The following RBFOX1 variants were observed in gnomAD, a reference collection of about 807,000 sequenced individuals.
RBFOX1 encodes the protein RNA binding fox-1 homolog 1, also known as RNA binding protein fox-1 homolog 1.
A neutral mutation model predicts 57.7 loss-of-function variants in RBFOX1; 8 were observed. The ratio of observed to expected loss-of-function variants is 0.14; its 90% CI spans 0.08 to 0.25. The LOEUF (loss-of-function observed/expected upper bound fraction) is 0.25, where lower values mean the gene tolerates loss of function less well. Ranked by LOEUF, RBFOX1 falls within the 10% of genes least tolerant of loss-of-function variation. The probability of loss-of-function intolerance (pLI) is 1.00; values close to 1 mark genes in which losing one functional copy is unlikely to be tolerated. For missense variants in RBFOX1, 611 were observed against 548.5 expected, an observed-to-expected ratio of 1.11 and a Z score of -1.14; for synonymous variants, 326 against 222.4, an observed-to-expected ratio of 1.47 and a Z score of -4.15.
intron 1 of RBFOX1, among the ~76,000 whole-genome samples, chr16:6,222,414 C>T (rs903911474): frequency 6.6e-6 from 1 of 151,898 alleles, no homozygotes; most frequent in African/African-American, 2.4e-5. Context: ...TACGTTTTCC[C>T]TTCCCTCCTT....
At chr16:7,102,733 T>G (rs151032502) in intron 4 of RBFOX1, among the ~76,000 whole-genome samples, 138 of 152,328 alleles carry the variant, frequency 9.1e-4, no homozygotes, top group African/African-American at 2.0e-3. Context: ...TTATAAAGTT[T>G]GGAGACTTAA....
intron 1 of RBFOX1, among the ~76,000 whole-genome samples, chr16:6,091,617 G>A (rs1426117395): frequency 6.6e-6 from 1 of 152,200 alleles, no homozygotes; most frequent in Non-Finnish European, 1.5e-5. Flanking sequence ...ATCACCTGAG[G>A]TCATGAGTTC....
intron 3 of RBFOX1, among the ~76,000 whole-genome samples, chr16:6,786,126 C>A (rs781564477): frequency 2.6e-5 from 4 of 152,134 alleles, no homozygotes; most frequent in African/African-American, 9.7e-5. Flanking sequence ...GTCTGCATGA[C>A]TTTGGGTCCC....
Position 7,201,180 on chromosome 16 carries a change from G to C in RBFOX1, c.27+149082G>C, listed in dbSNP as rs538635321. 2.0e-5 allele frequency among the ~76,000 whole-genome samples: 3 copies of C among 152,294 alleles called. No individual in the cohort carries two copies. The South Asian group carries it at 6.2e-4, about 32-fold the overall frequency. On this transcript the variant is annotated intron_variant, in intron 4 of 15. Coordinates refer to ENST00000550418, the MANE Select transcript of RBFOX1 (RefSeq NM_018723.4). ...GGGTTGGAGAGAAAGACCTCTCTGA[G>C]GTTAAAACAAAGTCTGGTATATGCA...
chr16:6,134,395 G>A (rs1435308520), intron 1 of RBFOX1, among the ~76,000 whole-genome samples: 3 of 152,160 alleles, frequency 2.0e-5, no homozygotes, highest in Non-Finnish European at 4.4e-5. Flanking sequence ...CCGATTACAG[G>A]ATCTGATGGA....
intron 3 of RBFOX1, among the ~76,000 whole-genome samples, chr16:6,666,758 G>T (rs185375519): frequency 2.6e-5 from 4 of 152,186 alleles, no homozygotes; most frequent in African/African-American, 9.6e-5. Flanking sequence ...GAGAGTTATT[G>T]CAACAAAACC....
At chr16:7,605,865 G>C (rs1317825456) in intron 9 of RBFOX1, among the ~76,000 whole-genome samples, 1 of 152,076 alleles carries the variant, frequency 6.6e-6, no homozygotes, top group Non-Finnish European at 1.5e-5. Flanking sequence ...TTGAGACAGA[G>C]TCTCACTCTG....
At chr16:7,620,691 G>A (rs2059174182) in intron 10 of RBFOX1, among the ~76,000 whole-genome samples, 1 of 152,172 alleles carries the variant, frequency 6.6e-6, no homozygotes, top group Non-Finnish European at 1.5e-5. Flanking sequence ...AATGGATATT[G>A]ATCATTCTCA....
At chr16:5,287,836 C>T (rs1186158688) in intron 1 of RBFOX1, among the ~76,000 whole-genome samples, 1 of 152,220 alleles carries the variant, frequency 6.6e-6, no homozygotes, top group Non-Finnish European at 1.5e-5. Context: ...TGCTCCGATT[C>T]TTCAGTGGGA....
chr16:5,985,444 A>G (rs376639656), intron 4 of RBFOX1, among the ~76,000 whole-genome samples: 8 of 152,112 alleles, frequency 5.3e-5, no homozygotes, highest in African/African-American at 1.9e-4. Context: ...CATTTTACGG[A>G]TGAAGAAATG....
At chr16:6,789,141 C>T (rs888792535) in intron 3 of RBFOX1, among the ~76,000 whole-genome samples, 26 of 150,546 alleles carry the variant, frequency 1.7e-4, no homozygotes, top group African/African-American at 6.1e-4. Flanking sequence ...AAATTACCGC[C>T]TGCCCACTGC....
At chr16:7,701,179 G>C (rs981686416) in intron 14 of RBFOX1, among the ~76,000 whole-genome samples, 1 of 145,804 alleles carries the variant, frequency 6.9e-6, no homozygotes, top group Non-Finnish European at 1.5e-5. Flanking sequence ...GCCAAGTAGA[G>C]ATGACTCCAT....
intron 3 of RBFOX1, among the ~76,000 whole-genome samples, chr16:6,881,011 A>G (rs2062825231): frequency 1.3e-5 from 2 of 152,172 alleles, no homozygotes; most frequent in Admixed American, 6.5e-5. Context: ...GCTGAAAAAT[A>G]CGTGGCCCAT....
chr16:6,305,562 G>T (rs1048474332), intron 1 of RBFOX1, among the ~76,000 whole-genome samples: 1 of 150,892 alleles, frequency 6.6e-6, no homozygotes, highest in African/African-American at 2.4e-5. Context: ...TTTTACCTGT[G>T]TCTCAAGGCC....
intron 4 of RBFOX1, among the ~76,000 whole-genome samples, chr16:7,223,492 T>C (rs2092882142): frequency 6.6e-6 from 1 of 152,198 alleles, no homozygotes; most frequent in Admixed American, 6.5e-5. Context: ...TATTATAGGT[T>C]ATGCTTAAGT....
intron 2 of RBFOX1, among the ~76,000 whole-genome samples, chr16:6,433,349 A>G (rs574524657): frequency 9.2e-5 from 14 of 152,338 alleles, no homozygotes; most frequent in South Asian, 8.3e-4. Flanking sequence ...CCACTATTTC[A>G]GTTATCACTT....
chr16:5,426,712 T>C (rs894570715), intron 1 of RBFOX1, among the ~76,000 whole-genome samples: 7 of 152,200 alleles, frequency 4.6e-5, no homozygotes, highest in East Asian at 1.9e-4. Context: ...TTTTCTGTTA[T>C]CGCTCCAGGG....
At chr16:6,485,727 C>T (rs960563817) in intron 2 of RBFOX1, among the ~76,000 whole-genome samples, 18 of 152,296 alleles carry the variant, frequency 1.2e-4, no homozygotes, top group African/African-American at 3.1e-4. Context: ...TCTGTTACCC[C>T]AAATTGAGGG....
At chr16:5,582,475 G>C (rs765394161) in intron 2 of RBFOX1, among the ~76,000 whole-genome samples, 1 of 151,744 alleles carries the variant, frequency 6.6e-6, no homozygotes. Flanking sequence ...GACCAGAGAG[G>C]TTAAACAGCC....
Sources: gnomAD v4.1 joint callset for allele counts (sites outside exome capture counted in the v4.1 genomes callset) on GRCh38, gnomAD v4.1.1 for gene constraint, MANE v1.5 for transcripts, NCBI Gene and HGNC (gene_info 2026-07-23, HGNC 2026-07-21) for gene names.